ROBO2: variants seen among roughly 807,000 people sequenced by gnomAD.
ROBO2 encodes the protein roundabout guidance receptor 2.
ROBO2 carries 53 observed loss-of-function variants against 160.8 expected under a neutral mutation model. The observed-to-expected ratio is 0.33, with a 90% CI of 0.26 to 0.41. ROBO2 has a LOEUF of 0.41. Ranked by LOEUF, ROBO2 falls within the 10% of genes least tolerant of loss-of-function variation. The probability of loss-of-function intolerance (pLI) is 1.00; values close to 1 mark genes in which losing one functional copy is unlikely to be tolerated. For missense variants in ROBO2, 1,577 were observed against 1,722.4 expected (o/e 0.92, Z 1.49); for synonymous variants, 664 against 611.7 (o/e 1.09, Z -1.26).
chr3:77,344,081 G>T (rs2067357364), intron 2 of ROBO2, among the ~76,000 whole-genome samples: 1 of 152,024 alleles, frequency 6.6e-6, no homozygotes, highest in Non-Finnish European at 1.5e-5. Flanking sequence ...ATGCAAAGAA[G>T]AATATAAACA....
intron 2 of ROBO2, among the ~76,000 whole-genome samples, chr3:76,483,030 G>A (rs1369469576): frequency 6.6e-6 from 1 of 151,942 alleles, no homozygotes; most frequent in Non-Finnish European, 1.5e-5. Flanking sequence ...ATTCATTTAG[G>A]GAGATAAATG....
At chr3:76,264,339 T>TC (rs1706962061) in intron 2 of ROBO2, among the ~76,000 whole-genome samples, 1 of 151,588 alleles carries the variant, frequency 6.6e-6, no homozygotes, top group Non-Finnish European at 1.5e-5. Flanking sequence ...TAGTTTTTTT[T>TC]TTTTCCCCCT....
At chr3:76,110,009 T>C (rs1456574576) in intron 2 of ROBO2, among the ~76,000 whole-genome samples, 3 of 151,406 alleles carry the variant, frequency 2.0e-5, no homozygotes, top group African/African-American at 7.3e-5. Context: ...TTTTTATGAC[T>C]AAGTAGTATT....
chr3:76,627,731 G>A (rs1181029847), intron 2 of ROBO2, among the ~76,000 whole-genome samples: 3 of 152,232 alleles, frequency 2.0e-5, no homozygotes, highest in Non-Finnish European at 4.4e-5. Context: ...GAAGAGGAAT[G>A]TAATAGGAGT....
intron 2 of ROBO2, among the ~76,000 whole-genome samples, chr3:76,574,568 T>A (rs965236413): frequency 6.6e-6 from 1 of 152,156 alleles, no homozygotes; most frequent in Non-Finnish European, 1.5e-5. Context: ...CAGGGTGATA[T>A]ATGGTAAATC....
chr3:76,019,183 C>T (rs1336374427), intron 2 of ROBO2, among the ~76,000 whole-genome samples: 2 of 151,650 alleles, frequency 1.3e-5, no homozygotes, highest in African/African-American at 2.4e-5. Context: ...TAGGTTTTCT[C>T]TGAAGTTCCG....
chr3:76,741,389 G>A (rs914431855), intron 2 of ROBO2, among the ~76,000 whole-genome samples: 1 of 152,012 alleles, frequency 6.6e-6, no homozygotes, highest in African/African-American at 2.4e-5. Context: ...AAATATTTAT[G>A]TGCCTAATCA....
chr3:76,812,345 G>GAAAA (rs199902883), intron 2 of ROBO2, among the ~76,000 whole-genome samples: 2 of 94,460 alleles, frequency 2.1e-5, no homozygotes, highest in South Asian at 3.2e-4. Context: ...AAAGCTATTT[G>GAAAA]AAAAAAAAAA....
intron 2 of ROBO2, among the ~76,000 whole-genome samples, chr3:76,613,039 A>C (rs1226632567): frequency 6.6e-6 from 1 of 151,604 alleles, no homozygotes; most frequent in Non-Finnish European, 1.5e-5. Context: ...TTTTGTTTTC[A>C]TTTTTGTTTT....
chr3:76,329,663 G>A lies in ROBO2; in HGVS notation c.109+392061G>A, dbSNP rs1263867446. ...GAGTCAAAGGATACTTCTGCTTTGC[G>A]TTTTGGCACGCTCAGCAAGAATATG... On this transcript the variant is annotated intron_variant, in intron 2 of 26. Coordinates refer to the ROBO2 transcript ENST00000487694. Among the ~76,000 whole-genome samples the A allele has an allele frequency of 7.2e-5, 11 of 152,330 alleles. No individual in the cohort carries two copies. In the East Asian group the frequency reaches 2.1e-3, roughly 29 times the overall value.
At chr3:77,136,862 C>T (rs1477838394) in intron 2 of ROBO2, among the ~76,000 whole-genome samples, 1 of 152,080 alleles carries the variant, frequency 6.6e-6, no homozygotes, top group African/African-American at 2.4e-5. Flanking sequence ...GTCTCGATCT[C>T]CTGACCTTGT....
At chr3:77,169,408 T>C (rs1265053379) in intron 2 of ROBO2, among the ~76,000 whole-genome samples, 1 of 152,146 alleles carries the variant, frequency 6.6e-6, no homozygotes, top group African/African-American at 2.4e-5. Flanking sequence ...TAAATTAAAA[T>C]AAAAAGAGAT....
chr3:77,241,924 T>C (rs1190434610), intron 2 of ROBO2, among the ~76,000 whole-genome samples: 1 of 152,200 alleles, frequency 6.6e-6, no homozygotes, highest in Non-Finnish European at 1.5e-5. Context: ...TTGTGAACAA[T>C]CTTTTCTGTA....
chr3:77,377,865 G>A (rs973747041), intron 2 of ROBO2, among the ~76,000 whole-genome samples: 1 of 152,156 alleles, frequency 6.6e-6, no homozygotes, highest in Admixed American at 6.5e-5. Flanking sequence ...AATGGTATTA[G>A]TTCTTCAGCC....
intron 2 of ROBO2, among the ~76,000 whole-genome samples, chr3:76,763,640 A>G (rs1248781734): frequency 6.6e-6 from 1 of 151,716 alleles, no homozygotes; most frequent in African/African-American, 2.4e-5. Context: ...CATAAAAACC[A>G]ACACAAAGGT....
At chr3:77,046,790 G>A (rs766865429) in intron 1 of ROBO2, among the ~76,000 whole-genome samples, 1 of 152,158 alleles carries the variant, frequency 6.6e-6, no homozygotes, top group Non-Finnish European at 1.5e-5. Context: ...AATATGTTTA[G>A]GTTATTCCTT....
chr3:76,541,858 G>A (rs2082837416), intron 2 of ROBO2, among the ~76,000 whole-genome samples: 1 of 152,140 alleles, frequency 6.6e-6, no homozygotes. Context: ...ACAGCCTCCA[G>A]GCTTCTTGAG....
At chr3:77,206,055 C>T (rs1194930868) in intron 2 of ROBO2, among the ~76,000 whole-genome samples, 3 of 152,242 alleles carry the variant, frequency 2.0e-5, no homozygotes, top group African/African-American at 7.2e-5. Context: ...TCAGGCATTC[C>T]TTGGTTGGGC....
intron 1 of ROBO2, among the ~76,000 whole-genome samples, chr3:77,095,196 G>A (rs1263474151): frequency 6.6e-6 from 1 of 152,040 alleles, no homozygotes; most frequent in African/African-American, 2.4e-5. Flanking sequence ...TTTTATTAAA[G>A]TAGGAGTAAA....
Sources: allele counts gnomAD v4.1 joint callset (sites outside exome capture counted in the v4.1 genomes callset), GRCh38; gene constraint gnomAD v4.1.1; transcripts MANE v1.5; gene names NCBI Gene and HGNC (gene_info 2026-07-23, HGNC 2026-07-21).